The following GRIA4 variants were observed in gnomAD, a reference collection of about 807,000 sequenced individuals.
GRIA4 encodes the protein glutamate receptor 4.
A neutral mutation model predicts 104.0 loss-of-function variants in GRIA4; 34 were observed. The observed-to-expected ratio is 0.33, with a 90% CI of 0.25 to 0.44. The LOEUF is 0.44. Among genes scored for constraint, GRIA4 ranks in the 20% least tolerant of loss-of-function variants. GRIA4 has a pLI of 1.00. For synonymous variants in GRIA4, 386 were observed against 381.9 expected, an observed-to-expected ratio of 1.01 and a Z score of -0.13; for missense variants, 750 against 1,096.5, an observed-to-expected ratio of 0.68 and a Z score of 4.46.
intron 5 of GRIA4, among the ~76,000 whole-genome samples, chr11:105,873,552 T>C (rs955202260): frequency 3.3e-5 from 5 of 152,074 alleles, no homozygotes; most frequent in African/African-American, 4.8e-5. Flanking sequence ...CAGTGTAAAA[T>C]TGTTTCCATT....
At chr11:105,856,419 C>T (rs1380207632) in intron 4 of GRIA4, among the ~76,000 whole-genome samples, 1 of 146,600 alleles carries the variant, frequency 6.8e-6, no homozygotes, top group East Asian at 1.9e-4. Context: ...TCCAAACATA[C>T]AAAATAAACT....
At chr11:105,927,007 T>C in intron 13 of GRIA4, 68 bp downstream of exon 13, 1 of 981,950 alleles carries the variant, frequency 1.0e-6, no homozygotes, top group South Asian at 1.4e-5. Flanking sequence ...TTTCCAACAA[T>C]TATACCATGG....
chr11:105,854,885 G>A (rs1486975620), intron 4 of GRIA4, among the ~76,000 whole-genome samples: 1 of 152,062 alleles, frequency 6.6e-6, no homozygotes, highest in Non-Finnish European at 1.5e-5. Context: ...CCACTTAGTG[G>A]GGTTATGCTT....
chr11:105,668,284 T>C (rs1292666101), intron 3 of GRIA4, among the ~76,000 whole-genome samples: 3 of 147,420 alleles, frequency 2.0e-5, no homozygotes, highest in African/African-American at 7.4e-5. Flanking sequence ...AGAGGGTAGA[T>C]CTTAATACAT....
intron 14 of GRIA4, among the ~76,000 whole-genome samples, chr11:105,958,957 T>C (rs774761054): frequency 6.6e-6 from 1 of 152,222 alleles, no homozygotes; most frequent in Non-Finnish European, 1.5e-5. Context: ...TTCTAGCTTG[T>C]AGAGTTTTTG....
At chr11:105,615,235 T>TAATGCTGTTCATTA (rs1273493900) in intron 3 of GRIA4, among the ~76,000 whole-genome samples, 1 of 151,920 alleles carries the variant, frequency 6.6e-6, no homozygotes, top group Non-Finnish European at 1.5e-5. Flanking sequence ...ACAGCTTATT[T>TAATGCTGTTCATTA]AATGCTGGTT....
At chr11:105,810,479 T>A (rs1422229215) in intron 4 of GRIA4, among the ~76,000 whole-genome samples, 1 of 152,130 alleles carries the variant, frequency 6.6e-6, no homozygotes, top group Non-Finnish European at 1.5e-5. Flanking sequence ...GTCAGTTTAA[T>A]GAACCTGCCA....
At chr11:105,792,482 A>G (rs929499422) in intron 4 of GRIA4, among the ~76,000 whole-genome samples, 2 of 152,130 alleles carry the variant, frequency 1.3e-5, no homozygotes, top group African/African-American at 4.8e-5. Context: ...CATTTCTTCA[A>G]GAATAAATTA....
intron 3 of GRIA4, among the ~76,000 whole-genome samples, chr11:105,695,458 G>GTT (rs1953237877): frequency 1.6e-5 from 2 of 128,404 alleles, no homozygotes; most frequent in Admixed American, 1.8e-4. Flanking sequence ...GTGTGTGTGT[G>GTT]TCTGTGTGTG....
chr11:105,955,160 A>T (rs1948554427), intron 14 of GRIA4, among the ~76,000 whole-genome samples: 1 of 151,746 alleles, frequency 6.6e-6, no homozygotes, highest in Non-Finnish European at 1.5e-5. Flanking sequence ...TAAAAATTTC[A>T]TCTTTAAAAA....
intron 3 of GRIA4, among the ~76,000 whole-genome samples, chr11:105,653,031 C>A (rs529124325): frequency 2.4e-4 from 37 of 152,248 alleles, no homozygotes; most frequent in African/African-American, 8.4e-4. Context: ...CCTGCCTCAG[C>A]CTCCCGAGTA....
At chr11:105,677,777 T>A (rs1274872073) in intron 3 of GRIA4, among the ~76,000 whole-genome samples, 1 of 151,914 alleles carries the variant, frequency 6.6e-6, no homozygotes, top group East Asian at 1.9e-4. Flanking sequence ...CATGCCAAGA[T>A]CTTAGAAAAA....
intron 10 of GRIA4, among the ~76,000 whole-genome samples, chr11:105,915,976 G>A (rs1198791077): frequency 6.6e-6 from 1 of 152,118 alleles, no homozygotes; most frequent in African/African-American, 2.4e-5. Context: ...TTGAGGCCAG[G>A]AGTTTGAGAC....
intron 10 of GRIA4, chr11:105,912,145 G>A (rs1487134102): frequency 1.1e-5 from 11 of 1,045,942 alleles, no homozygotes; most frequent in African/African-American, 6.7e-5. Flanking sequence ...ATCACTTAGC[G>A]ATTCTGACAT....
chr11:105,916,994 C>T (rs1427504875), intron 10 of GRIA4, among the ~76,000 whole-genome samples: 2 of 152,068 alleles, frequency 1.3e-5, no homozygotes, highest in Non-Finnish European at 2.9e-5. Context: ...CTCCTAATAA[C>T]TATTAATATT....
At chr11:105,638,530 T>C (rs367805620) in intron 3 of GRIA4, among the ~76,000 whole-genome samples, 4 of 115,100 alleles carry the variant, frequency 3.5e-5, no homozygotes, top group African/African-American at 1.2e-4. Flanking sequence ...CCTTACGAGG[T>C]GCGCGTGTAT....
rs143850248 is a variant in GRIA4, at chr11:105,966,179, G to A, written c.2295-5735G>A. 2.6e-4 allele frequency: 173 copies of A among 670,162 alleles called. 1 individual carries two copies. Among genetic ancestry groups the A allele is most frequent in the African/African-American group, 1.7e-3 (91 of 54,964 alleles). 41.5% of individuals were successfully genotyped at this position (670,162 alleles called of 1,614,324 possible). A position where few individuals can be genotyped will look rare whatever the true frequency, so the allele number is the denominator to read the frequency against. ...GTCGAATTGCTAGTCCAGTCCCTTCGCAAACTTACGTATGCAGTTACTGTC... is the reference window on the plus strand; with the variant it reads ...GTCGAATTGCTAGTCCAGTCCCTTCACAAACTTACGTATGCAGTTACTGTC... On this transcript the variant is annotated intron_variant, in intron 14 of 16. Transcript: ENST00000282499.
intron 4 of GRIA4, among the ~76,000 whole-genome samples, chr11:105,766,094 G>A (rs1249154894): frequency 1.3e-5 from 2 of 152,064 alleles, no homozygotes; most frequent in Admixed American, 1.3e-4. Context: ...ATAAGTGTAG[G>A]TATTTACACT....
intron 5 of GRIA4, among the ~76,000 whole-genome samples, chr11:105,868,891 C>A (rs1186875970): frequency 6.6e-6 from 1 of 152,032 alleles, no homozygotes; most frequent in African/African-American, 2.4e-5. Context: ...AGAAGAAACT[C>A]GAAAGATGTG....
Sources: gnomAD v4.1 joint callset for allele counts (sites outside exome capture counted in the v4.1 genomes callset) on GRCh38, gnomAD v4.1.1 for gene constraint, MANE v1.5 for transcripts, NCBI Gene and HGNC (gene_info 2026-07-23, HGNC 2026-07-21) for gene names.